SMC1B: variants seen among roughly 807,000 people sequenced by gnomAD.
SMC1B encodes the protein structural maintenance of chromosomes protein 1B.
Under a neutral mutation model 157.9 loss-of-function variants are expected in SMC1B, and 60 were observed. The ratio of observed to expected loss-of-function variants is 0.38; its 90% CI spans 0.31 to 0.47. The LOEUF is 0.47. Among genes scored for constraint, SMC1B ranks in the 20% least tolerant of loss-of-function variants. The pLI is 0.99. For missense variants in SMC1B, 1,165 were observed against 1,426.2 expected, an observed-to-expected ratio of 0.82 and a Z score of 2.95; for synonymous variants, 445 against 483.0, an observed-to-expected ratio of 0.92 and a Z score of 1.03.
chr22:45,349,419 C>G (rs2086586898), intron 23 of SMC1B, among the ~76,000 whole-genome samples: 1 of 149,306 alleles, frequency 6.7e-6, no homozygotes, highest in Admixed American at 6.7e-5. Context: ...TCACTGCAAC[C>G]TTCACCTCCC....
chr22:45,360,097 T>C lies in SMC1B; in HGVS notation c.2709-139A>G, dbSNP rs367972523. The C allele has an allele frequency of 2.2e-4, 142 of 635,612 alleles. 1 individual carries two copies. The highest frequency in any genetic ancestry group is 2.1e-3 in the African/African-American group (112 of 54,494). 39.4% of individuals were successfully genotyped at this position (635,612 alleles called of 1,614,324 possible). ...TGCTGTAAGTTCTAGAATCCTCTCA[T>C]TGATGCTTGTAATTTAATTGTTAAC... On this transcript the variant is annotated intron_variant, in intron 17 of 24. Coordinates refer to ENST00000357450, the MANE Select transcript of SMC1B (RefSeq NM_148674.5).
At chr22:45,412,986 G>A (rs1024527307) in intron 1 of SMC1B, among the ~76,000 whole-genome samples, 6 of 152,296 alleles carry the variant, frequency 3.9e-5, no homozygotes, top group South Asian at 4.1e-4. Context: ...AGTCCCCGAA[G>A]CAGGAGTGAG....
chr22:45,347,606 TTC>T (rs1314858650), intron 23 of SMC1B, among the ~76,000 whole-genome samples: 1 of 152,110 alleles, frequency 6.6e-6, no homozygotes, highest in Non-Finnish European at 1.5e-5. Flanking sequence ...GCCAATTTAT[TTC>T]TTTTTTTCTT....
chr22:45,385,527 T>C (rs2086981337), intron 11 of SMC1B, among the ~76,000 whole-genome samples: 1 of 152,080 alleles, frequency 6.6e-6, no homozygotes, highest in South Asian at 2.1e-4. Context: ...AAGATACATC[T>C]GATTAAAATT....
intron 1 of SMC1B, among the ~76,000 whole-genome samples, chr22:45,409,894 A>C (rs1366217591): frequency 6.6e-6 from 1 of 152,214 alleles, no homozygotes; most frequent in Non-Finnish European, 1.5e-5. Context: ...ATATTATTTT[A>C]TAATTTCTTT....
intron 20 of SMC1B, among the ~76,000 whole-genome samples, chr22:45,354,501 C>T (rs1482913383): frequency 6.6e-6 from 1 of 152,130 alleles, no homozygotes; most frequent in Non-Finnish European, 1.5e-5. Context: ...AGCAATTCTC[C>T]TGCCTCAGCC....
At position 45,344,598 on chromosome 22, in the gene SMC1B, A is replaced by C; in HGVS notation, c.3666T>G (p.Thr1222=). ...LTLDLSQYPD[T]EGQESSKRHG... The stretch of plus-strand genomic sequence containing the variant: ...GTCTCTTGCTGCTTTCTTGGCCTTC[A>C]GTGTCTGGATACTGAGAAAGATCTA... The change falls in exon 25 of 25, where the codon ACT becomes ACG. Residue 1222 remains threonine, a synonymous_variant. Coordinates refer to ENST00000357450, the MANE Select transcript of SMC1B (RefSeq NM_148674.5). The C allele has an allele frequency of 6.2e-7, 1 of 1,614,092 alleles. No individual in the cohort carries two copies. Among genetic ancestry groups the C allele is most frequent in the Non-Finnish European group, 8.5e-7 (1 of 1,179,974 alleles).
intron 2 of SMC1B, 23 bp downstream of exon 2, chr22:45,408,687 G>T: frequency 6.6e-7 from 1 of 1,523,750 alleles, no homozygotes; most frequent in Non-Finnish European, 8.8e-7. Context: ...AAAATAAAAT[G>T]AAAAAAAATT....
chr22:45,384,214 A>AT (rs1321424119), intron 11 of SMC1B, among the ~76,000 whole-genome samples: 1 of 151,998 alleles, frequency 6.6e-6, no homozygotes, highest in Non-Finnish European at 1.5e-5. Context: ...ATCCTTGCCC[A>AT]TTTTCCCACT....
chr22:45,395,686 T>C (rs570892652), intron 7 of SMC1B, among the ~76,000 whole-genome samples: 1 of 152,228 alleles, frequency 6.6e-6, no homozygotes, highest in African/African-American at 2.4e-5. Flanking sequence ...GGAGAAACCC[T>C]GTCTCTACTA....
At chr22:45,354,451 C>T (rs1396560887) in intron 20 of SMC1B, among the ~76,000 whole-genome samples, 4 of 152,064 alleles carry the variant, frequency 2.6e-5, no homozygotes, top group African/African-American at 9.7e-5. Flanking sequence ...AGCTCAGTGG[C>T]GTGATCTCGG....
chr22:45,344,759 T>C (rs996407635), intron 24 of SMC1B, 102 bp from the exon 25 acceptor site: 3 of 713,280 alleles, frequency 4.2e-6, no homozygotes, highest in Non-Finnish European at 7.3e-6. Flanking sequence ...AAAAGGAATC[T>C]TCTTCAACCT....
chr22:45,413,528 A>T lies in SMC1B; in HGVS notation c.40T>A (p.Ser14Thr). 1 of 1,612,504 alleles carries T rather than the reference A, an allele frequency of 6.2e-7. No homozygotes were observed. Among genetic ancestry groups the T allele is most frequent in the South Asian group, 1.1e-5 (1 of 90,744 alleles). The change falls in exon 1 of 25, where the codon TCG (serine) becomes ACG (threonine). Residue 14 changes from serine to threonine, a missense_variant. Physicochemically the swap from Ser to Thr is moderately conservative, Grantham distance 58 (BLOSUM62 1). Coordinates refer to ENST00000357450, the MANE Select transcript of SMC1B (RefSeq NM_148674.5). ...CCAATGACCTGGCGGCCCCGCCACG[A>T]CTTGAAATTTTCCACAAGCAGCAGC... The part of the protein sequence containing the change: ...LELLLVENFK[S>T]WRGRQVIGPF...
At position 45,372,048 on chromosome 22, in the gene SMC1B, A is replaced by G. The variant is rs552219469; in HGVS notation, c.2196+107T>C. ...ACAGAGTGAGAGACTCTGTCTCAGG[A>G]AAAAAAAAAAAGTATCTGAAAATTA... is the stretch of plus-strand genomic sequence containing the variant. On this transcript the variant is annotated intron_variant, in intron 13 of 24. Transcript: ENST00000357450. The G allele has an allele frequency of 1.5e-4, 58 of 380,412 alleles. 2 individuals carry two copies. In the South Asian group the frequency reaches 2.1e-3, roughly 14 times the overall value. The allele number at this position is 380,412 out of a possible 1,614,324, so 23.6% of individuals were successfully genotyped here. A position where few individuals can be genotyped will look rare whatever the true frequency, so the allele number is the denominator to read the frequency against.
chr22:45,363,383 T>C (rs2086740135), intron 15 of SMC1B, among the ~76,000 whole-genome samples: 1 of 152,238 alleles, frequency 6.6e-6, no homozygotes, highest in Non-Finnish European at 1.5e-5. Flanking sequence ...AATTTCCTTT[T>C]TAAAAATTTT....
chr22:45,408,219 G>A (rs547133982), intron 2 of SMC1B, among the ~76,000 whole-genome samples: 9 of 152,140 alleles, frequency 5.9e-5, no homozygotes, highest in South Asian at 2.1e-4. Context: ...TCTGCCTCCC[G>A]GGTTCATGCC....
intron 1 of SMC1B, 128 bp from the exon 2 acceptor site, chr22:45,409,026 C>T (rs2146857924): frequency 1.8e-6 from 1 of 565,936 alleles, no homozygotes; most frequent in East Asian, 3.0e-5. Flanking sequence ...AATCAATGTT[C>T]AAAATGCATG....
intron 15 of SMC1B, among the ~76,000 whole-genome samples, chr22:45,369,542 CTTTT>C (rs136566): frequency 1.8e-5 from 2 of 110,758 alleles, no homozygotes; most frequent in Non-Finnish European, 3.5e-5. Context: ...CTAGCTGTTT[CTTTT>C]TTTTTTTTTT....
At chr22:45,386,685 A>G (rs1202894371) in intron 11 of SMC1B, among the ~76,000 whole-genome samples, 182 bp downstream of exon 11, 1 of 152,178 alleles carries the variant, frequency 6.6e-6, no homozygotes, top group African/African-American at 2.4e-5. Flanking sequence ...TTTTTTTTCT[A>G]AATTCAACAG....
Sources: gnomAD v4.1 joint callset for allele counts (sites outside exome capture counted in the v4.1 genomes callset) on GRCh38, gnomAD v4.1.1 for gene constraint, MANE v1.5 for transcripts, NCBI Gene and HGNC (gene_info 2026-07-23, HGNC 2026-07-21) for gene names.